CCDC68: variants seen among roughly 807,000 people sequenced by gnomAD.
The protein encoded by CCDC68 is coiled-coil domain-containing protein 68.
A neutral mutation model predicts 47.1 loss-of-function variants in CCDC68; 45 were observed. The ratio of observed to expected loss-of-function variants is 0.96; its 90% CI spans 0.75 to 1.23. The LOEUF (loss-of-function observed/expected upper bound fraction) is 1.23, where lower values mean the gene tolerates loss of function less well. Ranked by LOEUF, CCDC68 falls within the 50% of genes most tolerant of loss-of-function variation. The pLI, the probability that CCDC68 is intolerant of heterozygous loss-of-function variation, is 0.00. For missense variants in CCDC68, 353 were observed against 373.6 expected (o/e 0.94, Z 0.45); for synonymous variants, 131 against 129.5 (o/e 1.01, Z -0.08).
At chr18:54,922,016 G>C (rs2044069595) in intron 8 of CCDC68, among the ~76,000 whole-genome samples, 1 of 152,112 alleles carries the variant, frequency 6.6e-6, no homozygotes, top group Non-Finnish European at 1.5e-5. Context: ...GGAAGTGTTT[G>C]AAAAGAAATA....
At chr18:54,919,424 C>A (rs201129110) in intron 8 of CCDC68, 48 bp from the exon 9 acceptor site, 3 of 1,395,124 alleles carry the variant, frequency 2.2e-6, no homozygotes, top group East Asian at 2.3e-5. Flanking sequence ...TTGGCTCACA[C>A]GTTCCATAGC....
intron 10 of CCDC68, among the ~76,000 whole-genome samples, chr18:54,912,087 A>T (rs1421486453): frequency 6.6e-6 from 1 of 152,208 alleles, no homozygotes; most frequent in African/African-American, 2.4e-5. Context: ...TAATTTTTGC[A>T]TACTTAATAT....
chr18:54,910,156 A>G (rs572548823), intron 10 of CCDC68, among the ~76,000 whole-genome samples: 2 of 152,198 alleles, frequency 1.3e-5, no homozygotes, highest in Non-Finnish European at 2.9e-5. Context: ...TCCAGCTCCT[A>G]GCAGAGAAGG....
intron 1 of CCDC68, among the ~76,000 whole-genome samples, chr18:54,952,436 A>C (rs767051744): frequency 2.0e-5 from 3 of 152,194 alleles, no homozygotes; most frequent in Non-Finnish European, 2.9e-5. Flanking sequence ...TTATCCAGCA[A>C]GGGGAAAAAG....
intron 7 of CCDC68, among the ~76,000 whole-genome samples, chr18:54,934,172 C>A (rs944685540): frequency 6.6e-6 from 1 of 152,190 alleles, no homozygotes; most frequent in Non-Finnish European, 1.5e-5. Context: ...TGTCCAAATT[C>A]TAAATTCTAT....
At chr18:54,912,813 G>A (rs149699737) in intron 10 of CCDC68, among the ~76,000 whole-genome samples, 3 of 152,232 alleles carry the variant, frequency 2.0e-5, no homozygotes, top group East Asian at 1.9e-4. Context: ...GCAAAGACAC[G>A]TCTTACATGG....
intron 5 of CCDC68, 108 bp downstream of exon 5, chr18:54,937,849 G>A: frequency 1.2e-6 from 1 of 829,846 alleles, no homozygotes; most frequent in Non-Finnish European, 1.8e-6. Flanking sequence ...ATGGACCTAT[G>A]GATGTGTGTG....
chr18:54,932,378 A>T (rs749251536), intron 7 of CCDC68, among the ~76,000 whole-genome samples: 35 of 151,580 alleles, frequency 2.3e-4, no homozygotes, highest in Non-Finnish European at 4.7e-4. Flanking sequence ...TTTAGGAGAG[A>T]CAGGGTTTCA....
intron 11 of CCDC68, among the ~76,000 whole-genome samples, chr18:54,906,409 G>A: frequency 6.6e-6 from 1 of 151,990 alleles, no homozygotes; most frequent in Non-Finnish European, 1.5e-5. Flanking sequence ...CTAAAGCGTT[G>A]GCCAAAAAAA....
chr18:54,946,318 G>T (rs548771541), intron 1 of CCDC68, among the ~76,000 whole-genome samples: 1 of 152,284 alleles, frequency 6.6e-6, no homozygotes, highest in South Asian at 2.1e-4. Context: ...TCCTTATCTA[G>T]CCCTTTACAG....
chr18:54,906,015 GA>G (rs1259577709), intron 11 of CCDC68, among the ~76,000 whole-genome samples: 9 of 152,048 alleles, frequency 5.9e-5, no homozygotes, highest in Non-Finnish European at 1.3e-4. Flanking sequence ...CTAGTTGTAG[GA>G]AAACAAACTC....
chr18:54,909,829 G>A (rs1914247228), intron 10 of CCDC68, among the ~76,000 whole-genome samples: 1 of 152,256 alleles, frequency 6.6e-6, no homozygotes, highest in Non-Finnish European at 1.5e-5. Flanking sequence ...GAACCGCAAG[G>A]CCCCAAAGAG....
At chr18:54,905,974 G>A (rs1913984103) in intron 11 of CCDC68, among the ~76,000 whole-genome samples, 1 of 152,190 alleles carries the variant, frequency 6.6e-6, no homozygotes, top group African/African-American at 2.4e-5. Flanking sequence ...TCTAATGCCT[G>A]AACATCTGTC....
chr18:54,932,020 C>T (rs995772680), intron 7 of CCDC68, among the ~76,000 whole-genome samples: 1 of 152,018 alleles, frequency 6.6e-6, no homozygotes, highest in African/African-American at 2.4e-5. Flanking sequence ...ATACAAAAGG[C>T]CCAGTACACC....
intron 7 of CCDC68, among the ~76,000 whole-genome samples, chr18:54,930,619 C>CCTTCCTT (rs1447232817): frequency 1.1e-5 from 1 of 88,876 alleles, no homozygotes; most frequent in African/African-American, 4.5e-5. Flanking sequence ...TCCTTCCCTT[C>CCTTCCTT]CCTTCCCCTC....
intron 7 of CCDC68, 126 bp downstream of exon 7, chr18:54,934,694 G>A (rs1406026286): frequency 2.8e-6 from 2 of 707,796 alleles, no homozygotes; most frequent in African/African-American, 1.9e-5. Flanking sequence ...GCCAAGAATT[G>A]TAAAGAATAC....
At chr18:54,926,602 T>C (rs567531157) in intron 8 of CCDC68, among the ~76,000 whole-genome samples, 2 of 152,306 alleles carry the variant, frequency 1.3e-5, no homozygotes, top group Admixed American at 6.5e-5. Context: ...TAAAAAGGCC[T>C]GCATATTTGT....
intron 10 of CCDC68, among the ~76,000 whole-genome samples, chr18:54,909,526 C>G (rs1324639696): frequency 6.6e-6 from 1 of 152,010 alleles, no homozygotes; most frequent in Admixed American, 6.6e-5. Context: ...TTACTTGGTT[C>G]CGTTGGGCTC....
chr18:54,920,685 A>G (rs986790230), intron 8 of CCDC68, among the ~76,000 whole-genome samples: 7 of 152,198 alleles, frequency 4.6e-5, no homozygotes, highest in Non-Finnish European at 1.0e-4. Flanking sequence ...ATTAAAAAGT[A>G]AAAAAATAAC....
Sources: gnomAD v4.1 joint callset for allele counts (sites outside exome capture counted in the v4.1 genomes callset) on GRCh38, gnomAD v4.1.1 for gene constraint, MANE v1.5 for transcripts, NCBI Gene and HGNC (gene_info 2026-07-23, HGNC 2026-07-21) for gene names.